LTBP1: variants seen among roughly 807,000 people sequenced by gnomAD.
LTBP1 encodes latent transforming growth factor beta binding protein 1, also known as latent-transforming growth factor beta-binding protein 1.
Under a neutral mutation model 207.6 loss-of-function variants are expected in LTBP1, and 129 were observed. That is an observed-to-expected ratio of 0.62 (90% confidence interval 0.54 to 0.72). The LOEUF (loss-of-function observed/expected upper bound fraction) is 0.72. Ranked by LOEUF, LTBP1 falls within the 30% of genes least tolerant of loss-of-function variation. The pLI is 0.00. For missense variants in LTBP1, 2,281 were observed against 2,217.2 expected (o/e 1.03, Z -0.58); for synonymous variants, 963 against 833.7 (o/e 1.16, Z -2.67).
chr2:33,203,361 T>C (rs1177185124), intron 7 of LTBP1, among the ~76,000 whole-genome samples: 6 of 152,134 alleles, frequency 3.9e-5, no homozygotes, highest in Non-Finnish European at 2.9e-5. Flanking sequence ...CTCCTGCCAG[T>C]GGAGAGGAGA....
At chr2:33,368,969 T>C (rs376622225) in intron 31 of LTBP1, among the ~76,000 whole-genome samples, 4 of 152,206 alleles carry the variant, frequency 2.6e-5, no homozygotes, top group Admixed American at 6.5e-5. Context: ...TATTTTGTTA[T>C]GAGAAATGAA....
intron 5 of LTBP1, among the ~76,000 whole-genome samples, chr2:33,186,042 C>G (rs1249646574): frequency 6.6e-6 from 1 of 152,168 alleles, no homozygotes; most frequent in Non-Finnish European, 1.5e-5. Context: ...CCAGTCTGTC[C>G]TGTTACCTTT....
intron 3 of LTBP1, among the ~76,000 whole-genome samples, chr2:33,023,504 G>C (rs2075274043): frequency 6.6e-6 from 1 of 152,186 alleles, no homozygotes; most frequent in South Asian, 2.1e-4. Flanking sequence ...TTGCTTTGGA[G>C]ACTTCATCTG....
At position 33,226,648 on chromosome 2, in the gene LTBP1, AT is replaced by A. The variant is rs2091453812; in HGVS notation, c.1876+4501del. 4.6e-5 allele frequency among the ~76,000 whole-genome samples: 7 copies of A among 152,298 alleles called. No homozygotes were observed. In the South Asian group the frequency reaches 1.0e-3, roughly 23 times the overall value. On this transcript the variant is annotated intron_variant, in intron 9 of 33. Transcript: ENST00000404816. ...CTAATTAAGGGGCAGGTTATTTCGAATTTTCTAGAAAATAAGTGGGGAGTTC... is the reference window on the plus strand; with the variant it reads ...CTAATTAAGGGGCAGGTTATTTCGAATTTCTAGAAAATAAGTGGGGAGTTC...
At chr2:32,979,382 A>ATTTTTTTAAATTAT (rs1682402378) in intron 2 of LTBP1, among the ~76,000 whole-genome samples, 1 of 151,996 alleles carries the variant, frequency 6.6e-6, no homozygotes. Flanking sequence ...TAGGTATAGT[A>ATTTTTTTAAATTAT]TGTTGTATTT....
Position 33,375,176 on chromosome 2 carries a change from A to G in LTBP1, c.4711+9673A>G, listed in dbSNP as rs187284869. On this transcript the variant is annotated intron_variant, in intron 31 of 33. Coordinates refer to ENST00000404816, the MANE Select transcript of LTBP1 (RefSeq NM_206943.4). Reference sequence around the variant, plus strand: ...TTCCATATCCATGCATGGCTCTTACATGCTCAAGAGGGTTAAATGTGATAA... The same window carrying G: ...TTCCATATCCATGCATGGCTCTTACGTGCTCAAGAGGGTTAAATGTGATAA... Among the ~76,000 whole-genome samples the G allele has an allele frequency of 2.4e-3, 361 of 152,290 alleles. 1 individual carries two copies. The highest frequency in any genetic ancestry group is 8.4e-3 in the African/African-American group (351 of 41,548).
chr2:33,397,300 T>A lies in LTBP1; in HGVS notation c.4984+18T>A. 1 of 1,613,206 alleles carries A rather than the reference T, an allele frequency of 6.2e-7. No individual in the cohort carries two copies. Among genetic ancestry groups the A allele is most frequent in the Non-Finnish European group, 8.5e-7 (1 of 1,179,256 alleles). Reference sequence around the variant, plus strand: ...CTGTGTCGGTAAGAATGACGTGTGTTTTATGGGACATTAATTTTTTCCTGA... The same window carrying A: ...CTGTGTCGGTAAGAATGACGTGTGTATTATGGGACATTAATTTTTTCCTGA... On this transcript the variant is annotated intron_variant, in intron 33 of 33. Coordinates refer to ENST00000404816, the MANE Select transcript of LTBP1 (RefSeq NM_206943.4).
chr2:33,143,433 A>G (rs1251413325), intron 5 of LTBP1, among the ~76,000 whole-genome samples: 1 of 152,174 alleles, frequency 6.6e-6, no homozygotes, highest in African/African-American at 2.4e-5. Flanking sequence ...AATTTACCTG[A>G]TACAGCTTCA....
At chr2:33,059,031 T>A (rs2077143324) in intron 3 of LTBP1, among the ~76,000 whole-genome samples, 1 of 152,214 alleles carries the variant, frequency 6.6e-6, no homozygotes, top group Non-Finnish European at 1.5e-5. Flanking sequence ...TCCTTACAAG[T>A]GATCTTCATT....
intron 19 of LTBP1, among the ~76,000 whole-genome samples, 193 bp from the exon 20 acceptor site, chr2:33,292,967 A>C (rs1442188014): frequency 6.6e-6 from 1 of 152,214 alleles, no homozygotes; most frequent in East Asian, 1.9e-4. Context: ...AAGGTAAGTT[A>C]AAGTATAGAA....
intron 31 of LTBP1, among the ~76,000 whole-genome samples, chr2:33,369,079 A>C (rs1436522909): frequency 6.6e-6 from 1 of 152,132 alleles, no homozygotes; most frequent in African/African-American, 2.4e-5. Flanking sequence ...TTTTCAACTA[A>C]AGTTTTCAAA....
chr2:33,176,265 C>T (rs1215546928), intron 5 of LTBP1, among the ~76,000 whole-genome samples: 2 of 152,156 alleles, frequency 1.3e-5, no homozygotes, highest in Non-Finnish European at 1.5e-5. Context: ...CTCGCTCTGT[C>T]GCGCAGGCTG....
chr2:33,397,317 T>G, intron 33 of LTBP1, 35 bp downstream of exon 33: 1 of 1,610,592 alleles, frequency 6.2e-7, no homozygotes, highest in East Asian at 2.2e-5. Context: ...GACATTAATT[T>G]TTTCCTGACA....
chr2:33,068,731 A>C (rs963605714), intron 3 of LTBP1, among the ~76,000 whole-genome samples: 4 of 152,334 alleles, frequency 2.6e-5, no homozygotes, highest in East Asian at 1.9e-4. Context: ...CTACCAAAAG[A>C]ATATCATTCT....
chr2:33,339,893 T>C (rs13430506), intron 24 of LTBP1, among the ~76,000 whole-genome samples: 86,182 of 151,666 alleles, frequency 0.57, 25,796 homozygotes, highest in African/African-American at 0.76. Flanking sequence ...GATCTGCCTG[T>C]CTCGGCCTCC....
At chr2:33,059,368 C>T (rs2077159027) in intron 3 of LTBP1, among the ~76,000 whole-genome samples, 1 of 152,118 alleles carries the variant, frequency 6.6e-6, no homozygotes, top group East Asian at 1.9e-4. Context: ...TTCAGCCTTC[C>T]CCAGTAATGA....
In LTBP1 at chr2:33,243,318, G is replaced by T. The variant is rs138915004; in HGVS notation, c.1877-344G>T. On this transcript the variant is annotated intron_variant, in intron 9 of 33. Transcript: ENST00000404816. ...ATTCATATGTATAGTTAGACTGTCA[G>T]TGCTTCTAGAGTGAGAGTCTTTGCC... Among the ~76,000 whole-genome samples, 1,466 of 152,300 alleles carry T rather than the reference G, an allele frequency of 9.6e-3. 24 individuals are homozygous for T. Among genetic ancestry groups the T allele is most frequent in the African/African-American group, 0.033 (1,357 of 41,554 alleles).
chr2:32,978,671 T>A (rs529848362), intron 2 of LTBP1, among the ~76,000 whole-genome samples: 71 of 151,516 alleles, frequency 4.7e-4, no homozygotes, highest in African/African-American at 1.6e-3. Context: ...TTTTAATTTT[T>A]TTTTTTTTTT....
intron 7 of LTBP1, among the ~76,000 whole-genome samples, chr2:33,200,136 A>G (rs1191385924): frequency 1.3e-5 from 2 of 152,244 alleles, no homozygotes; most frequent in Non-Finnish European, 2.9e-5. Flanking sequence ...TCAAAAGTTC[A>G]TATGGAACCA....
Sources: gnomAD v4.1 joint callset for allele counts (sites outside exome capture counted in the v4.1 genomes callset) on GRCh38, gnomAD v4.1.1 for gene constraint, MANE v1.5 for transcripts, NCBI Gene and HGNC (gene_info 2026-07-23, HGNC 2026-07-21) for gene names.